PDE10A: variants seen among roughly 807,000 people sequenced by gnomAD.
PDE10A encodes the protein cAMP and cAMP-inhibited cGMP 3',5'-cyclic phosphodiesterase 10A.
A neutral mutation model predicts 97.7 loss-of-function variants in PDE10A; 39 were observed. That is an observed-to-expected ratio of 0.40 (90% CI 0.31 to 0.52). The LOEUF is 0.52. Ranked by LOEUF, PDE10A falls within the 20% of genes least tolerant of loss-of-function variation. The pLI, the probability that PDE10A is intolerant of heterozygous loss-of-function variation, is 0.56. For missense variants in PDE10A, 731 were observed against 1,047.8 expected, an observed-to-expected ratio of 0.70 and a Z score of 4.17; for synonymous variants, 371 against 376.8, an observed-to-expected ratio of 0.98 and a Z score of 0.18.
chr6:165,847,366 G>A (rs1780449008), intron 1 of PDE10A, among the ~76,000 whole-genome samples: 1 of 152,194 alleles, frequency 6.6e-6, no homozygotes. Context: ...AAAGTTGATG[G>A]CTTCTGATTT....
intron 1 of PDE10A, among the ~76,000 whole-genome samples, chr6:165,794,500 T>C (rs574003184): frequency 6.9e-6 from 1 of 144,560 alleles, no homozygotes; most frequent in Admixed American, 6.9e-5. Context: ...CACTACACAC[T>C]CACATGCTCA....
At chr6:165,635,379 T>C (rs1161025949) in intron 1 of PDE10A, among the ~76,000 whole-genome samples, 1 of 152,238 alleles carries the variant, frequency 6.6e-6, no homozygotes, top group African/African-American at 2.4e-5. Flanking sequence ...TTTTTCATTT[T>C]GTAAGACTGA....
chr6:165,753,161 T>C lies in PDE10A; in HGVS notation c.-614-209593A>G, dbSNP rs571157063. On this transcript the variant is annotated intron_variant, in intron 1 of 19. Coordinates refer to the PDE10A transcript ENST00000366882. The stretch of plus-strand genomic sequence containing the variant: ...TAATTTATTATCAATCAAATATTTT[T>C]AATGATACCTGAAACTACTCAGATT... Among the ~76,000 whole-genome samples, 38 of 152,362 alleles carry C rather than the reference T, an allele frequency of 2.5e-4. 1 individual carries two copies. The highest frequency in any genetic ancestry group is 3.4e-3 in the Middle Eastern group (1 of 294).
intron 2 of PDE10A, among the ~76,000 whole-genome samples, chr6:165,486,717 GA>G (rs1018828166): frequency 6.6e-6 from 1 of 152,088 alleles, no homozygotes; most frequent in South Asian, 2.1e-4. Flanking sequence ...ATGTCTTTTA[GA>G]AAAAAAGTCA....
chr6:165,920,692 C>T (rs1451805693), intron 1 of PDE10A, among the ~76,000 whole-genome samples: 1 of 152,080 alleles, frequency 6.6e-6, no homozygotes, highest in East Asian at 1.9e-4. Flanking sequence ...TCTTTCTGTG[C>T]CCACACCTCC....
intron 1 of PDE10A, among the ~76,000 whole-genome samples, chr6:165,890,307 A>G (rs922560142): frequency 2.6e-5 from 4 of 152,094 alleles, no homozygotes; most frequent in Non-Finnish European, 5.9e-5. Context: ...ACCGCGGAGG[A>G]AGACAGGAAG....
intron 18 of PDE10A, among the ~76,000 whole-genome samples, chr6:165,350,250 C>CCT (rs1159764064): frequency 3.9e-5 from 6 of 152,160 alleles, no homozygotes; most frequent in African/African-American, 1.4e-4. Context: ...TGGGAGCCCA[C>CCT]CTCTTGCATC....
At chr6:165,811,850 T>C (rs1295450308) in intron 1 of PDE10A, among the ~76,000 whole-genome samples, 1 of 146,178 alleles carries the variant, frequency 6.8e-6, no homozygotes, top group African/African-American at 2.4e-5. Context: ...GTGTCTTTTA[T>C]TTTTTATTTT....
chr6:165,628,751 GTTAATTT>G (rs1428244810), intron 1 of PDE10A, among the ~76,000 whole-genome samples: 5 of 152,074 alleles, frequency 3.3e-5, no homozygotes, highest in Admixed American at 1.3e-4. Flanking sequence ...ACCCAAAATG[GTTAATTT>G]TTAAAGTGTA....
At chr6:165,430,977 T>G (rs1049985753) in intron 8 of PDE10A, among the ~76,000 whole-genome samples, 5 of 152,130 alleles carry the variant, frequency 3.3e-5, no homozygotes, top group African/African-American at 4.8e-5. Context: ...CTATAAGTAG[T>G]TGGTGATTTT....
intron 1 of PDE10A, among the ~76,000 whole-genome samples, chr6:165,606,391 G>A (rs1020429625): frequency 1.3e-5 from 2 of 152,102 alleles, no homozygotes; most frequent in Non-Finnish European, 2.9e-5. Flanking sequence ...AAGTTCTGAG[G>A]AGTCTCCTTC....
chr6:165,742,097 A>C (rs1432890430), intron 1 of PDE10A, among the ~76,000 whole-genome samples: 1 of 152,178 alleles, frequency 6.6e-6, no homozygotes, highest in African/African-American at 2.4e-5. Context: ...CATCTCATTT[A>C]ATTATCACAC....
intron 1 of PDE10A, among the ~76,000 whole-genome samples, chr6:165,896,225 T>C (rs1399124397): frequency 1.3e-5 from 2 of 152,222 alleles, no homozygotes; most frequent in Non-Finnish European, 2.9e-5. Flanking sequence ...CGTTTCACCT[T>C]GTCCCAGCTA....
intron 1 of PDE10A, among the ~76,000 whole-genome samples, chr6:165,717,323 G>C (rs7754191): frequency 0.48 from 73,065 of 152,074 alleles, 18,184 homozygotes; most frequent in Non-Finnish European, 0.56. Flanking sequence ...AGGCACAGTG[G>C]CTCACGCCTC....
chr6:165,519,241 T>C (rs1393363635), intron 2 of PDE10A, among the ~76,000 whole-genome samples: 3 of 152,138 alleles, frequency 2.0e-5, no homozygotes, highest in African/African-American at 4.8e-5. Flanking sequence ...GCTGACCGAC[T>C]ACCCCCAAGA....
intron 1 of PDE10A, among the ~76,000 whole-genome samples, chr6:165,865,680 A>T (rs1781023233): frequency 6.6e-6 from 1 of 152,122 alleles, no homozygotes; most frequent in Non-Finnish European, 1.5e-5. Context: ...AATTGACTAG[A>T]TCAAGCAAAA....
chr6:165,634,047 A>G (rs1224098569), intron 1 of PDE10A, among the ~76,000 whole-genome samples: 1 of 152,148 alleles, frequency 6.6e-6, no homozygotes, highest in African/African-American at 2.4e-5. Context: ...CTGAAAGTCA[A>G]GAGTGCAACA....
chr6:165,569,026 G>A (rs1412860948), intron 1 of PDE10A, among the ~76,000 whole-genome samples: 1 of 152,030 alleles, frequency 6.6e-6, no homozygotes, highest in East Asian at 1.9e-4. Flanking sequence ...AGTACATACT[G>A]GATTTCACAG....
At chr6:165,650,082 G>T (rs999529366) in intron 1 of PDE10A, among the ~76,000 whole-genome samples, 1 of 152,032 alleles carries the variant, frequency 6.6e-6, no homozygotes, top group Admixed American at 6.5e-5. Flanking sequence ...TAGGAGAAGT[G>T]GGAGGCCAGA....
Sources: gnomAD v4.1 joint callset for allele counts (sites outside exome capture counted in the v4.1 genomes callset) on GRCh38, gnomAD v4.1.1 for gene constraint, MANE v1.5 for transcripts, NCBI Gene and HGNC (gene_info 2026-07-23, HGNC 2026-07-21) for gene names.